Variants in PIGA observed in about 807,000 individuals in gnomAD.
The protein encoded by PIGA is phosphatidylinositol N-acetylglucosaminyltransferase subunit A.
In PIGA, 3 loss-of-function variants were observed where a neutral mutation model predicts 17.1. The ratio of observed to expected loss-of-function variants is 0.18; its 90% CI spans 0.08 to 0.45. The LOEUF (loss-of-function observed/expected upper bound fraction) is 0.45. PIGA is among the 20% of genes least tolerant of loss of function. PIGA has a pLI of 0.99. For synonymous variants in PIGA, 126 were observed against 135.1 expected (o/e 0.93, Z 0.47); for missense variants, 231 against 374.1 (o/e 0.62, Z 3.16).
At chrX:15,324,943 CATT>C in intron 4 of PIGA, 72 bp from the exon 5 acceptor site, 1 of 1,150,952 alleles carries the variant, frequency 8.7e-7, no homozygotes, top group Non-Finnish European at 1.2e-6. Flanking sequence ...CCAGTTAAAA[CATT>C]ATTATGGAAT....
chrX:15,322,789 A>G (rs772462881), intron 5 of PIGA, among the ~76,000 whole-genome samples: 2 of 111,698 alleles, frequency 1.8e-5, no homozygotes, highest in East Asian at 5.6e-4. Context: ...AGACTGGTGA[A>G]TTGCAATTGA....
intron 2 of PIGA, chrX:15,330,984 A>T (rs1199211412): frequency 3.1e-6 from 1 of 323,940 alleles, no homozygotes; most frequent in Non-Finnish European, 5.3e-6. Context: ...GGTTATTCTT[A>T]TTTTTAGTAA....
intron 1 of PIGA, among the ~76,000 whole-genome samples, chrX:15,333,555 C>T (rs771850332): frequency 8.9e-6 from 1 of 111,786 alleles, no homozygotes; most frequent in Non-Finnish European, 1.9e-5. Context: ...GTGGTGCCTG[C>T]CTGTGGTCCT....
Position 15,331,237 on chromosome X carries a change from T to A in PIGA, c.694A>T (p.Ser232Cys), listed in dbSNP as rs1922145743. ...RHDSITIVVVSRLVYRKGIDL... is the reference protein window; with the variant it reads ...RHDSITIVVVCRLVYRKGIDL... Reference sequence around the variant, plus strand: ...TTACCTTTTCTGTAAACAAGTCTGCTGACAACAACAATAGTTATACTATCA... The same window carrying A: ...TTACCTTTTCTGTAAACAAGTCTGCAGACAACAACAATAGTTATACTATCA... The change falls in exon 2 of 6, where the codon AGC (serine) becomes TGC (cysteine). Residue 232 changes from serine to cysteine, a missense_variant. Transcript: ENST00000333590. 2.5e-6 allele frequency: 3 copies of A among 1,196,539 alleles called. No individual in the cohort carries two copies. Among genetic ancestry groups the A allele is most frequent in the Non-Finnish European group, 3.4e-6 (3 of 883,710 alleles).
intron 5 of PIGA, among the ~76,000 whole-genome samples, chrX:15,322,778 G>A (rs1921855457): frequency 8.9e-6 from 1 of 111,819 alleles, no homozygotes; most frequent in Non-Finnish European, 1.9e-5. Context: ...GAATTATGCT[G>A]AGACTGGTGA....
In PIGA at chrX:15,325,894, A is replaced by G. The variant is rs1335654933; in HGVS notation, c.848+20T>C. 5.9e-6 allele frequency: 7 copies of G among 1,182,655 alleles called. No individual in the cohort carries two copies. The Admixed American group carries it at 6.9e-5, about 12-fold the overall frequency. ...TAATTGACATCTTCTCCCTCAAGAC[A>G]ACATGAAATTCATCAATACCTGTCA... On this transcript the variant is annotated intron_variant, in intron 3 of 5. Coordinates refer to ENST00000333590, the MANE Select transcript of PIGA (RefSeq NM_002641.4).
intron 1 of PIGA, among the ~76,000 whole-genome samples, chrX:15,332,225 C>T (rs1922188862): frequency 8.9e-6 from 1 of 112,399 alleles, no homozygotes; most frequent in African/African-American, 3.2e-5. Flanking sequence ...CTACATGTAA[C>T]TTTAAATAGT....
chrX:15,328,824 T>G (rs1359274118), intron 2 of PIGA: 1 of 112,022 alleles, frequency 8.9e-6, no homozygotes. Context: ...TGATCACACT[T>G]GTGTCATACT....
chrX:15,321,897 TTTG>T (rs1055702438), intron 5 of PIGA, 125 bp from the exon 6 acceptor site: 4 of 592,389 alleles, frequency 6.8e-6, no homozygotes, highest in Non-Finnish European at 1.1e-5. Context: ...TTGCTTGTGT[TTTG>T]TTGTTGTTGT....
intron 5 of PIGA, among the ~76,000 whole-genome samples, chrX:15,324,259 T>C (rs1485039591): frequency 8.9e-6 from 1 of 112,562 alleles, no homozygotes; most frequent in Non-Finnish European, 1.9e-5. Flanking sequence ...CTGAATTAAA[T>C]ATTCACAAGT....
chrX:15,328,973 T>C (rs1008893852), intron 2 of PIGA: 1 of 112,622 alleles, frequency 8.9e-6, no homozygotes, highest in African/African-American at 3.2e-5. Context: ...GTTCACATGT[T>C]CCTGATTAAA....
chrX:15,333,584 G>A (rs1369782706), intron 1 of PIGA, among the ~76,000 whole-genome samples: 1 of 112,088 alleles, frequency 8.9e-6, no homozygotes, highest in African/African-American at 3.2e-5. Flanking sequence ...GGGAGGCTGA[G>A]GCAGGAGAAC....
At chrX:15,332,539 G>A (rs1922197971) in intron 1 of PIGA, among the ~76,000 whole-genome samples, 1 of 112,348 alleles carries the variant, frequency 8.9e-6, no homozygotes, top group Non-Finnish European at 1.9e-5. Flanking sequence ...GTGCTTAGAG[G>A]TAACACAATG....
intron 4 of PIGA, 63 bp from the exon 5 acceptor site, chrX:15,324,934 C>A (rs1921926762): frequency 1.8e-6 from 2 of 1,140,206 alleles, no homozygotes; most frequent in South Asian, 3.9e-5. Flanking sequence ...TCAACAAAAC[C>A]AGTTAAAACA....
At chrX:15,335,333 C>G in intron 1 of PIGA, 168 bp downstream of exon 1, 1 of 404,489 alleles carries the variant, frequency 2.5e-6, no homozygotes, top group Non-Finnish European at 3.8e-6. Flanking sequence ...CCGCCCTAAA[C>G]GCACCCTCAG....
chrX:15,331,939 G>C lies in PIGA; in HGVS notation c.-9C>G, dbSNP rs1477889309. 1 of 1,184,651 alleles carries C rather than the reference G, an allele frequency of 8.4e-7. No homozygotes were observed. The highest frequency in any genetic ancestry group is 1.1e-6 in the Non-Finnish European group (1 of 880,498). ...CCTCCTCTACAGGCCATGCTGAGAC[G>C]GTTTAGACATCAGTTCTTAGAGCAA... On this transcript the variant is annotated 5_prime_UTR_variant, in exon 2 of 6. Coordinates refer to ENST00000333590, the MANE Select transcript of PIGA (RefSeq NM_002641.4).
Position 15,324,478 on chromosome X carries a change from C to T in PIGA, c.1188+187G>A, listed in dbSNP as rs747319141. 4.2e-4 allele frequency among the ~76,000 whole-genome samples: 47 copies of T among 112,215 alleles called. 1 individual carries two copies. In the South Asian group the frequency reaches 8.4e-3, roughly 20 times the overall value. ...ATTACTGCTATTTTCAAATGTCAAA[C>T]GCAATAATTTGACCAGACACTTAGC... On this transcript the variant is annotated intron_variant, in intron 5 of 5. Coordinates refer to ENST00000333590, the MANE Select transcript of PIGA (RefSeq NM_002641.4).
chrX:15,324,340 C>T (rs1234780696), intron 5 of PIGA, among the ~76,000 whole-genome samples: 1 of 112,384 alleles, frequency 8.9e-6, no homozygotes, highest in African/African-American at 3.2e-5. Flanking sequence ...TTATCAACAG[C>T]TTCAAGAAAA....
At position 15,331,401 on chromosome X, in the gene PIGA, T is replaced by C; in HGVS notation, c.530A>G (p.Asp177Gly). The change falls in exon 2 of 6, where the codon GAT becomes GGT. Residue 177 changes from aspartate (D) to glycine (G), a missense_variant. This residue lies in a region of PIGA where 83 missense variants were observed against 190.1 expected (regional missense o/e 0.44). Transcript: ENST00000333590. ...TNKLLTVSLC[D>G]TNHIICVSYT... is the part of the protein sequence containing the mutation. The stretch of plus-strand genomic sequence containing the variant: ...AGACACACAAATGATGTGGTTTGTA[T>C]CACAAAGAGACACGGTTAGAAGCTT... The C allele has an allele frequency of 2.5e-6, 3 of 1,210,538 alleles. No individual in the cohort carries two copies. Among genetic ancestry groups the C allele is most frequent in the East Asian group, 3.0e-5 (1 of 33,840 alleles).
Sources: gnomAD v4.1 joint callset for allele counts (sites outside exome capture counted in the v4.1 genomes callset) on GRCh38, gnomAD v4.1.1 for gene constraint, gnomAD v4.1.1 regional missense constraint, MANE v1.5 for transcripts, NCBI Gene and HGNC (gene_info 2026-07-23, HGNC 2026-07-21) for gene names.